Variants in ENTREP1 observed in about 807,000 individuals in gnomAD.
The protein encoded by ENTREP1 is endosomal transmembrane epsin interactor 1.
At chr9:69,386,466 T>C in the ENTREP1 span, 2 of 152,168 alleles carry the variant, frequency 1.3e-5, no homozygotes, top group Admixed American at 6.5e-5. Context: ...TGTGTATAGA[T>C]GTTACCTGAA....
chr9:69,343,614 T>C, the ENTREP1 span, among the ~76,000 whole-genome samples: 1 of 152,196 alleles, frequency 6.6e-6, no homozygotes, highest in Admixed American at 6.5e-5. Flanking sequence ...TTGGTCAATA[T>C]CGCTAGTCAC....
chr9:69,345,996 T>G, the ENTREP1 span, among the ~76,000 whole-genome samples: 2 of 152,060 alleles, frequency 1.3e-5, no homozygotes. Flanking sequence ...ACTTTTTTTT[T>G]TTTGAGATGG....
chr9:69,343,705 G>A, the ENTREP1 span, among the ~76,000 whole-genome samples: 3 of 152,140 alleles, frequency 2.0e-5, no homozygotes, highest in Non-Finnish European at 4.4e-5. Context: ...ATGAGAACCC[G>A]TTTTTAACAT....
At chr9:69,365,292 T>A in the ENTREP1 span, among the ~76,000 whole-genome samples, 2 of 152,138 alleles carry the variant, frequency 1.3e-5, no homozygotes, top group Non-Finnish European at 2.9e-5. Flanking sequence ...CTAATTTCTA[T>A]CAGTATAGAT....
At chr9:69,389,393 C>T in the ENTREP1 span, among the ~76,000 whole-genome samples, 1 of 152,188 alleles carries the variant, frequency 6.6e-6, no homozygotes. Context: ...CCCTTTCTAC[C>T]TGCTGGCCTC....
At chr9:69,377,822 A>T in the ENTREP1 span, 3 of 1,425,346 alleles carry the variant, frequency 2.1e-6, 1 homozygote, top group Admixed American at 4.7e-5. Context: ...AGAACTCACC[A>T]CATGAGATCT....
chr9:69,340,815 G>GTGTGTGTGTGTA, the ENTREP1 span, among the ~76,000 whole-genome samples: 1 of 18,600 alleles, frequency 5.4e-5, no homozygotes, highest in African/African-American at 1.3e-4. Context: ...GTGTGTGTAT[G>GTGTGTGTGTGTA]TGTGTGTGTG....
chr9:69,391,724 C>T, the ENTREP1 span: 85 of 1,611,568 alleles, frequency 5.3e-5, no homozygotes, highest in African/African-American at 6.9e-4. Flanking sequence ...GGGGAGGCCC[C>T]GAGCCGAGAG....
the ENTREP1 span, among the ~76,000 whole-genome samples, chr9:69,356,456 A>C: frequency 6.7e-6 from 1 of 148,654 alleles, no homozygotes; most frequent in East Asian, 2.0e-4. Flanking sequence ...TGGTTTGCAG[A>C]TTCTTCTTAG....
At chr9:69,374,894 AG>A in the ENTREP1 span, among the ~76,000 whole-genome samples, 1 of 152,220 alleles carries the variant, frequency 6.6e-6, no homozygotes, top group South Asian at 2.1e-4. Context: ...ATGGAGGTGA[AG>A]GTATTAGATT....
chr9:69,363,494 A>G, the ENTREP1 span, among the ~76,000 whole-genome samples: 1 of 152,242 alleles, frequency 6.6e-6, no homozygotes, highest in African/African-American at 2.4e-5. Flanking sequence ...AGTGGTTAGT[A>G]AAGGGACGAC....
At chr9:69,370,099 A>G in the ENTREP1 span, among the ~76,000 whole-genome samples, 2 of 152,038 alleles carry the variant, frequency 1.3e-5, no homozygotes, top group African/African-American at 4.8e-5. Flanking sequence ...ATGGGCCCTC[A>G]CCCATTTTAT....
chr9:69,333,624 A>G, the ENTREP1 span, among the ~76,000 whole-genome samples: 8 of 152,184 alleles, frequency 5.3e-5, no homozygotes, highest in African/African-American at 1.9e-4. Flanking sequence ...GTTTTAATAG[A>G]AAAAATACAT....
chr9:69,328,286 G>A, the ENTREP1 span, among the ~76,000 whole-genome samples: 1 of 152,160 alleles, frequency 6.6e-6, no homozygotes, highest in East Asian at 1.9e-4. Flanking sequence ...CAAATCTCAG[G>A]TGTCACATTT....
At chr9:69,389,788 G>A in the ENTREP1 span, among the ~76,000 whole-genome samples, 2 of 152,204 alleles carry the variant, frequency 1.3e-5, no homozygotes, top group South Asian at 4.1e-4. Context: ...CTCTGGGGAA[G>A]AAGAACAAGC....
the ENTREP1 span, among the ~76,000 whole-genome samples, chr9:69,362,681 G>T: frequency 0.32 from 48,308 of 152,084 alleles, 8,940 homozygotes; most frequent in Admixed American, 0.4. Flanking sequence ...TGAGGGTGTT[G>T]CCAAAGGAGA....
At chr9:69,391,783 C>A in the ENTREP1 span, 1 of 1,608,578 alleles carries the variant, frequency 6.2e-7, no homozygotes, top group South Asian at 1.1e-5. Flanking sequence ...TCATTGGGGT[C>A]ATCCGAGAGA....
chr9:69,379,309 G>A, the ENTREP1 span, among the ~76,000 whole-genome samples: 1 of 152,270 alleles, frequency 6.6e-6, no homozygotes, highest in South Asian at 2.1e-4. Context: ...CTGCTGACTC[G>A]TCCCTCAGTT....
At chr9:69,340,347 GTGGTTGTT>G in the ENTREP1 span, among the ~76,000 whole-genome samples, 1 of 152,080 alleles carries the variant, frequency 6.6e-6, no homozygotes, top group Non-Finnish European at 1.5e-5. Context: ...TTCCTCTTTT[GTGGTTGTT>G]ACCTTGATGA....
Sources: gnomAD v4.1 joint callset for allele counts (sites outside exome capture counted in the v4.1 genomes callset) on GRCh38, gnomAD v4.1.1 for gene constraint, MANE v1.5 for transcripts, NCBI Gene and HGNC (gene_info 2026-07-23, HGNC 2026-07-21) for gene names.